The following LRRC7 variants were observed in gnomAD, a reference collection of about 807,000 sequenced individuals.
The protein encoded by LRRC7 is leucine-rich repeat-containing protein 7.
A neutral mutation model predicts 175.7 loss-of-function variants in LRRC7; 23 were observed. The ratio of observed to expected loss-of-function variants is 0.13; its 90% CI spans 0.09 to 0.19. The LOEUF (loss-of-function observed/expected upper bound fraction) is 0.19, where lower values mean the gene tolerates loss of function less well. Among genes scored for constraint, LRRC7 ranks in the 10% least tolerant of loss-of-function variants. LRRC7 has a pLI of 1.00. For missense variants in LRRC7, 1,354 were observed against 1,904.7 expected (o/e 0.71, Z 5.38); for synonymous variants, 685 against 680.9 (o/e 1.01, Z -0.09).
Position 70,013,107 on chromosome 1 carries a change from C to A in LRRC7, c.1250+18C>A, listed in dbSNP as rs773334911. 6 of 1,405,008 alleles carry A rather than the reference C, an allele frequency of 4.3e-6. No individual in the cohort carries two copies. The African/African-American group carries it at 7.2e-5, about 17-fold the overall frequency. The allele number at this position is 1,405,008 out of a possible 1,614,324, so 87.0% of individuals were successfully genotyped here. On this transcript the variant is annotated intron_variant, in intron 13 of 26. Transcript: ENST00000651989. The stretch of plus-strand genomic sequence containing the variant: ...GACAACAGGTATTTTTGCAACATTT[C>A]ACAATCACATATTAGTTATTTGCTG...
intron 2 of LRRC7, among the ~76,000 whole-genome samples, chr1:69,753,038 T>C (rs888515319): frequency 6.6e-6 from 1 of 152,150 alleles, no homozygotes; most frequent in African/African-American, 2.4e-5. Context: ...CTCTAATGTA[T>C]ACTGGACGGT....
rs1361157834 is a variant in LRRC7, at chr1:70,016,449, T to A, written c.1251-16T>A. ...CCATCTTTACCCATGCTATTAGACTTTTTGTGTTTTTGCAGATTGAAGAAT... is the reference window on the plus strand; with the variant it reads ...CCATCTTTACCCATGCTATTAGACTATTTGTGTTTTTGCAGATTGAAGAAT... On this transcript the variant is annotated splice_polypyrimidine_tract_variant and intron_variant, in intron 13 of 26. Transcript: ENST00000651989. The A allele has an allele frequency of 1.9e-6, 3 of 1,563,958 alleles. No homozygotes were observed. The highest frequency in any genetic ancestry group is 2.6e-6 in the Non-Finnish European group (3 of 1,154,660).
At chr1:70,119,606 T>A (rs1398304632) in intron 26 of LRRC7, among the ~76,000 whole-genome samples, 1 of 151,234 alleles carries the variant, frequency 6.6e-6, no homozygotes, top group Admixed American at 6.6e-5. Context: ...CACTCAAAAT[T>A]AACAGCTATG....
chr1:69,579,556 C>G (rs1294779039), intron 1 of LRRC7, among the ~76,000 whole-genome samples: 2 of 152,006 alleles, frequency 1.3e-5, no homozygotes, highest in Admixed American at 6.6e-5. Context: ...GATATTTTAT[C>G]CCAAGCAGAC....
chr1:70,026,555 C>A (rs1402826469), intron 17 of LRRC7, among the ~76,000 whole-genome samples: 1 of 151,968 alleles, frequency 6.6e-6, no homozygotes, highest in Non-Finnish European at 1.5e-5. Flanking sequence ...AAATTAAGTA[C>A]CCTGGGACTT....
At chr1:69,826,617 T>A (rs1258923573) in intron 5 of LRRC7, among the ~76,000 whole-genome samples, 1 of 152,052 alleles carries the variant, frequency 6.6e-6, no homozygotes, top group African/African-American at 2.4e-5. Context: ...TTGAAATAAG[T>A]CAGTTGTATT....
intron 4 of LRRC7, among the ~76,000 whole-genome samples, chr1:69,803,235 C>G (rs1676728932): frequency 1.3e-5 from 2 of 151,304 alleles, no homozygotes; most frequent in African/African-American, 4.8e-5. Flanking sequence ...AGTGTTTTGC[C>G]ATTCTTAATA....
At chr1:69,713,812 T>C (rs1384074614) in intron 2 of LRRC7, among the ~76,000 whole-genome samples, 2 of 151,758 alleles carry the variant, frequency 1.3e-5, no homozygotes, top group Non-Finnish European at 2.9e-5. Flanking sequence ...TTAACATTAA[T>C]ACAGACTTTT....
chr1:70,089,665 T>A (rs1663877072), intron 24 of LRRC7, 62 bp from the exon 25 acceptor site: 1 of 1,138,488 alleles, frequency 8.8e-7, no homozygotes, highest in East Asian at 2.5e-5. Flanking sequence ...TGAAATACAG[T>A]TATTTGAAAA....
chr1:69,863,521 A>C (rs545614517), intron 7 of LRRC7, among the ~76,000 whole-genome samples: 55 of 152,318 alleles, frequency 3.6e-4, no homozygotes, highest in African/African-American at 1.3e-3. Context: ...ATTTCAACAA[A>C]TATACTTATT....
At chr1:69,917,353 G>C (rs187415544) in intron 7 of LRRC7, among the ~76,000 whole-genome samples, 18 of 152,286 alleles carry the variant, frequency 1.2e-4, no homozygotes, top group Admixed American at 2.6e-4. Flanking sequence ...TGGAGAAAGG[G>C]AGATAGGCCC....
intron 2 of LRRC7, among the ~76,000 whole-genome samples, chr1:69,682,783 G>A (rs575652485): frequency 5.2e-4 from 70 of 135,698 alleles, no homozygotes; most frequent in African/African-American, 1.8e-3. Context: ...ATCATCTAAT[G>A]CTTTGGCTAC....
intron 5 of LRRC7, among the ~76,000 whole-genome samples, chr1:69,831,960 T>A (rs1680573224): frequency 6.6e-6 from 1 of 152,144 alleles, no homozygotes; most frequent in Non-Finnish European, 1.5e-5. Context: ...AAATTTGCAG[T>A]TTCAAAGAAC....
At chr1:70,064,220 C>G (rs1414224549) in intron 23 of LRRC7, among the ~76,000 whole-genome samples, 1 of 151,902 alleles carries the variant, frequency 6.6e-6, no homozygotes, top group Non-Finnish European at 1.5e-5. Context: ...TCTTCTGACA[C>G]TGAAATGGGA....
chr1:69,844,557 A>G (rs1247275401), intron 7 of LRRC7, among the ~76,000 whole-genome samples: 4 of 152,142 alleles, frequency 2.6e-5, no homozygotes, highest in Non-Finnish European at 5.9e-5. Flanking sequence ...ATATACATAC[A>G]TACCACATTG....
At chr1:69,941,717 T>G (rs1648730946) in intron 8 of LRRC7, among the ~76,000 whole-genome samples, 1 of 152,092 alleles carries the variant, frequency 6.6e-6, no homozygotes, top group Non-Finnish European at 1.5e-5. Context: ...TTTTGAAAGC[T>G]GACAAAATGC....
rs1667083662 is a variant in LRRC7, at chr1:70,142,067, T to C, written c.*20180T>C. ...GTCAGGAAATCTTATGTAATATTTT[T>C]GGACGGTCCATAGGAAAAGCAAGAT... On this transcript the variant is annotated 3_prime_UTR_variant, in exon 27 of 27. Coordinates refer to ENST00000651989, the MANE Select transcript of LRRC7 (RefSeq NM_001370785.2). 6.6e-6 allele frequency: 1 copy of C among 152,156 alleles called. No homozygotes were observed. The highest frequency in any genetic ancestry group is 6.5e-5 in the Admixed American group (1 of 15,268). 9.4% of individuals were successfully genotyped at this position (152,156 alleles called of 1,614,324 possible). A position where few individuals can be genotyped will look rare whatever the true frequency, so the allele number is the denominator to read the frequency against.
In LRRC7 at chr1:69,656,249, A is replaced by G. The variant is rs116481835; in HGVS notation, c.3-22132A>G. ...TTTGTCAGCTTTTAAAATTTTACCC[A>G]CAAACATTACTCTAAGGAAATTCCT... On this transcript the variant is annotated intron_variant, in intron 1 of 26. Transcript: ENST00000651989. Among the ~76,000 whole-genome samples, 1,164 of 152,136 alleles carry G rather than the reference A, an allele frequency of 7.7e-3. 12 individuals carry two copies. Among genetic ancestry groups the G allele is most frequent in the African/African-American group, 0.027 (1,101 of 41,528 alleles).
rs1021542571 is a variant in LRRC7 at position 70,125,581 on chromosome 1, A to G, written c.*3694A>G. On this transcript the variant is annotated 3_prime_UTR_variant, in exon 27 of 27. Transcript: ENST00000651989. ...GCCGAGGCGGGCGGATCACGAGGTC[A>G]GGAGATCGAGACCATCCCAGCTAAA... Among the ~76,000 whole-genome samples, 2 of 152,048 alleles carry G rather than the reference A, an allele frequency of 1.3e-5. No homozygotes were observed. The highest frequency in any genetic ancestry group is 1.5e-5 in the Non-Finnish European group (1 of 67,990).
Sources: allele counts gnomAD v4.1 joint callset (sites outside exome capture counted in the v4.1 genomes callset), GRCh38; gene constraint gnomAD v4.1.1; transcripts MANE v1.5; gene names NCBI Gene and HGNC (gene_info 2026-07-23, HGNC 2026-07-21).